Variants in SEL1L3 observed in about 807,000 individuals in gnomAD.
SEL1L3 encodes the protein SEL1L family member 3.
Under a neutral mutation model 142.8 loss-of-function variants are expected in SEL1L3, and 76 were observed. The ratio of observed to expected loss-of-function variants is 0.53; its 90% CI spans 0.44 to 0.64. The LOEUF is 0.64. SEL1L3 is among the 30% of genes least tolerant of loss of function. SEL1L3 has a pLI of 0.00. For missense variants in SEL1L3, 1,262 were observed against 1,381.7 expected (o/e 0.91, Z 1.37); for synonymous variants, 504 against 519.6 (o/e 0.97, Z 0.41).
At chr4:25,806,083 G>T (rs1271951916) in intron 9 of SEL1L3, among the ~76,000 whole-genome samples, 1 of 144,974 alleles carries the variant, frequency 6.9e-6, no homozygotes, top group East Asian at 2.0e-4. Flanking sequence ...CTGTCGCCCA[G>T]GCTGGAGTGC....
At chr4:25,742,604 G>C (rs1052130780), downstream of SEL1L3, among the ~76,000 whole-genome samples, 2 of 152,180 alleles carry the variant, frequency 1.3e-5, no homozygotes. Context: ...CCAAGGAGTA[G>C]ACTTTTTAAA....
rs1443110703 is a variant in SEL1L3, at chr4:25,776,276, C to T, written c.2669+1G>A. 6.2e-7 allele frequency: 1 copy of T among 1,608,286 alleles called. No individual in the cohort carries two copies. ...TGCTCTAACGTGGATCCCAAGCTTA[C>T]CATGAACCTTCCAGGTAGGCATTGA... is the stretch of plus-strand genomic sequence containing the variant. On this transcript the variant is annotated splice_donor_variant, in intron 17 of 23. Transcript: ENST00000399878. LOFTEE classifies it high-confidence loss of function.
At chr4:25,745,576 A>C (rs1386408250), downstream of SEL1L3, among the ~76,000 whole-genome samples, 4 of 152,116 alleles carry the variant, frequency 2.6e-5, no homozygotes, top group African/African-American at 9.7e-5. Flanking sequence ...AGGGAGTGTG[A>C]TTTTGCTCCC....
rs377229106 is a variant in SEL1L3 at position 25,851,226 on chromosome 4, C to T, written c.163-3362G>A. On this transcript the variant is annotated intron_variant, in intron 1 of 23. Transcript: ENST00000399878. ...CACACACTGAAAGTGTAAATTGCAA[C>T]GTTTTCTAGTAGATTTACAGAGTTA... is the stretch of plus-strand genomic sequence containing the variant. Among the ~76,000 whole-genome samples the T allele has an allele frequency of 6.6e-5, 10 of 152,284 alleles. No homozygotes were observed. In the East Asian group the frequency reaches 7.7e-4, roughly 12 times the overall value.
At chr4:25,759,910 T>G (rs1718261633) in intron 20 of SEL1L3, 1 of 152,196 alleles carries the variant, frequency 6.6e-6, no homozygotes. Context: ...AGGATCATGT[T>G]TTTTGTGTTT....
At chr4:25,762,748 G>C (rs1323568051) in intron 20 of SEL1L3, among the ~76,000 whole-genome samples, 1 of 152,160 alleles carries the variant, frequency 6.6e-6, no homozygotes. Flanking sequence ...GGGAGGCCAA[G>C]GTGGGCGGAT....
At chr4:25,776,542 G>C (rs1460376789) in intron 16 of SEL1L3, 182 bp from the exon 17 acceptor site, 1 of 562,120 alleles carries the variant, frequency 1.8e-6, no homozygotes, top group Non-Finnish European at 3.2e-6. Flanking sequence ...TTTTCATTTA[G>C]TGCCCTTTCT....
At chr4:25,835,353 T>G in intron 2 of SEL1L3, 30 bp from the exon 3 acceptor site, 1 of 1,609,614 alleles carries the variant, frequency 6.2e-7, no homozygotes, top group Non-Finnish European at 8.5e-7. Flanking sequence ...TCCCTTTCAA[T>G]TATATCCAGA....
chr4:25,742,125 T>C, the SEL1L3 span, among the ~76,000 whole-genome samples: 4 of 152,150 alleles, frequency 2.6e-5, no homozygotes, highest in African/African-American at 9.6e-5. Context: ...TCTTACGTTT[T>C]CTATTACTAG....
At chr4:25,784,568 G>A (rs1217222256) in intron 13 of SEL1L3, among the ~76,000 whole-genome samples, 1 of 152,174 alleles carries the variant, frequency 6.6e-6, no homozygotes, top group Non-Finnish European at 1.5e-5. Flanking sequence ...TACTACTGGG[G>A]GAAGATATGA....
chr4:25,732,146 G>A, the SEL1L3 span, among the ~76,000 whole-genome samples: 21 of 152,222 alleles, frequency 1.4e-4, no homozygotes, highest in African/African-American at 4.6e-4. Context: ...TGGTGTACAC[G>A]TGGACATATT....
chr4:25,834,350 C>T (rs1247432154), intron 3 of SEL1L3, among the ~76,000 whole-genome samples: 4 of 152,152 alleles, frequency 2.6e-5, no homozygotes, highest in Admixed American at 2.0e-4. Flanking sequence ...ACCAGTAGTT[C>T]AAAGATGAGG....
At chr4:25,744,348 C>CTTTGTTTTTTT (rs1717198127), downstream of SEL1L3, among the ~76,000 whole-genome samples, 1 of 101,426 alleles carries the variant, frequency 9.9e-6, no homozygotes, top group Non-Finnish European at 1.9e-5. Flanking sequence ...ATGTGTGAGT[C>CTTTGTTTTTTT]TTTTTTTTTT....
chr4:25,745,803 G>T (rs970073969), downstream of SEL1L3, among the ~76,000 whole-genome samples: 1 of 152,258 alleles, frequency 6.6e-6, no homozygotes, highest in Non-Finnish European at 1.5e-5. Flanking sequence ...GCAAGGGTAT[G>T]CCCTTGGGCA....
intron 1 of SEL1L3, among the ~76,000 whole-genome samples, chr4:25,860,124 T>C (rs1458312027): frequency 6.6e-6 from 1 of 152,252 alleles, no homozygotes; most frequent in Non-Finnish European, 1.5e-5. Context: ...CTCATCTAAA[T>C]GGAGATTATA....
At chr4:25,737,997 C>T in the SEL1L3 span, among the ~76,000 whole-genome samples, 1 of 152,064 alleles carries the variant, frequency 6.6e-6, no homozygotes, top group Non-Finnish European at 1.5e-5. Context: ...TCCAGTGATT[C>T]TCCTGCCTCA....
intron 16 of SEL1L3, chr4:25,777,521 C>T: frequency 4.3e-6 from 1 of 232,706 alleles, no homozygotes. Flanking sequence ...GATGTTGATC[C>T]AGCAAGTTCA....
rs145414480 is a variant in SEL1L3, at chr4:25,807,580, A to T, written c.1565-2828T>A. ...CAGCAAAGCAACATTAACATTTGTT[A>T]AAGATTCATCCCTGCCTCACCTATT... is the stretch of plus-strand genomic sequence containing the variant. On this transcript the variant is annotated intron_variant, in intron 9 of 23. Coordinates refer to ENST00000399878, the MANE Select transcript of SEL1L3 (RefSeq NM_015187.5). Among the ~76,000 whole-genome samples the T allele has an allele frequency of 2.0e-4, 31 of 152,188 alleles. 1 individual carries two copies. Among genetic ancestry groups the T allele is most frequent in the African/African-American group, 6.3e-4 (26 of 41,518 alleles).
chr4:25,750,663 C>T (rs978816086), intron 23 of SEL1L3, among the ~76,000 whole-genome samples: 2 of 152,144 alleles, frequency 1.3e-5, no homozygotes, highest in Non-Finnish European at 2.9e-5. Flanking sequence ...GGACAGAGTA[C>T]AACCTCCTCA....
Sources: allele counts gnomAD v4.1 joint callset (sites outside exome capture counted in the v4.1 genomes callset), GRCh38; gene constraint gnomAD v4.1.1; transcripts MANE v1.5; gene names NCBI Gene and HGNC (gene_info 2026-07-23, HGNC 2026-07-21).